Variants in QTMAN observed in about 807,000 individuals in gnomAD.
QTMAN encodes the protein tRNA-queuosine alpha-mannosyltransferase.
the QTMAN span, among the ~76,000 whole-genome samples, chr2:144,066,272 C>G: frequency 3.9e-5 from 6 of 152,010 alleles, no homozygotes; most frequent in African/African-American, 1.4e-4. Context: ...GGACTACATA[C>G]TAGGATATCA....
At chr2:144,197,973 T>C in the QTMAN span, among the ~76,000 whole-genome samples, 1 of 152,198 alleles carries the variant, frequency 6.6e-6, no homozygotes, top group African/African-American at 2.4e-5. Context: ...ATGCCTGTAA[T>C]TCCTGAACTT....
At chr2:144,105,506 G>A in the QTMAN span, among the ~76,000 whole-genome samples, 2 of 152,198 alleles carry the variant, frequency 1.3e-5, no homozygotes, top group Non-Finnish European at 2.9e-5. Flanking sequence ...GGGTATCAGT[G>A]ATTGAAGATC....
At chr2:144,288,849 C>A in the QTMAN span, among the ~76,000 whole-genome samples, 1 of 152,048 alleles carries the variant, frequency 6.6e-6, no homozygotes, top group African/African-American at 2.4e-5. Flanking sequence ...CTACTACACC[C>A]CAAGCCCCTG....
chr2:144,287,859 T>C, the QTMAN span, among the ~76,000 whole-genome samples: 1 of 152,186 alleles, frequency 6.6e-6, no homozygotes, highest in African/African-American at 2.4e-5. Context: ...ATTTTATTTT[T>C]ATTTATTTAT....
chr2:143,956,759 A>C, the QTMAN span, among the ~76,000 whole-genome samples: 1 of 152,092 alleles, frequency 6.6e-6, no homozygotes, highest in East Asian at 1.9e-4. Context: ...CAAGACATTA[A>C]CATCCATCAT....
chr2:144,324,504 G>A, the QTMAN span, among the ~76,000 whole-genome samples: 2 of 152,224 alleles, frequency 1.3e-5, no homozygotes, highest in East Asian at 1.9e-4. Context: ...CTAACTCCCC[G>A]CAAAGGCTTG....
chr2:144,308,242 C>T, the QTMAN span, among the ~76,000 whole-genome samples: 2 of 149,858 alleles, frequency 1.3e-5, no homozygotes, highest in East Asian at 3.9e-4. Flanking sequence ...TCTCAGCTCA[C>T]CACAGCCTCT....
At chr2:143,991,706 C>T in the QTMAN span, among the ~76,000 whole-genome samples, 5 of 141,264 alleles carry the variant, frequency 3.5e-5, no homozygotes, top group Non-Finnish European at 6.2e-5. Flanking sequence ...GCCCGCCGCC[C>T]GGCCAGTCGC....
the QTMAN span, among the ~76,000 whole-genome samples, chr2:144,175,924 G>GA: frequency 1.2e-4 from 19 of 152,106 alleles, no homozygotes; most frequent in Non-Finnish European, 2.8e-4. Flanking sequence ...CCTCAGCTCT[G>GA]AAAGTGCTGA....
the QTMAN span, among the ~76,000 whole-genome samples, chr2:144,059,357 A>G: frequency 1.3e-5 from 2 of 152,174 alleles, no homozygotes; most frequent in Non-Finnish European, 2.9e-5. Flanking sequence ...TTTGAATACA[A>G]CTGTACCCAA....
chr2:144,261,331 G>A, the QTMAN span, among the ~76,000 whole-genome samples: 6 of 152,190 alleles, frequency 3.9e-5, no homozygotes, highest in South Asian at 1.0e-3. Context: ...TCTAAATTTC[G>A]GGGAGGGGGG....
chr2:144,284,569 A>G, the QTMAN span, among the ~76,000 whole-genome samples: 2 of 152,312 alleles, frequency 1.3e-5, no homozygotes, highest in South Asian at 4.1e-4. Flanking sequence ...TTTCTTTTCT[A>G]TAACATGTAT....
chr2:144,196,213 CCACACACA>C, the QTMAN span, among the ~76,000 whole-genome samples: 3,219 of 142,516 alleles, frequency 0.023, 108 homozygotes, highest in African/African-American at 0.077. Context: ...GCACACATAG[CCACACACA>C]CACACACACA....
the QTMAN span, among the ~76,000 whole-genome samples, chr2:144,262,103 C>T: frequency 1.2e-4 from 19 of 152,110 alleles, no homozygotes; most frequent in Admixed American, 7.2e-4. Context: ...ATGGAAATGG[C>T]AACAATGATA....
chr2:144,012,775 G>GA, the QTMAN span, among the ~76,000 whole-genome samples: 171 of 152,236 alleles, frequency 1.1e-3, 2 homozygotes, highest in African/African-American at 4.0e-3. Context: ...GATAGCAGGT[G>GA]AAAATTAATT....
At chr2:144,297,766 T>C in the QTMAN span, among the ~76,000 whole-genome samples, 1 of 149,658 alleles carries the variant, frequency 6.7e-6, no homozygotes, top group African/African-American at 2.5e-5. Flanking sequence ...ATTTTTAGTA[T>C]AGATGGGGTT....
the QTMAN span, among the ~76,000 whole-genome samples, chr2:144,038,407 A>C: frequency 6.6e-6 from 1 of 152,182 alleles, no homozygotes; most frequent in Admixed American, 6.5e-5. Context: ...AATTCTAAAA[A>C]GTTTTGCTTT....
At chr2:143,952,702 T>C in the QTMAN span, 1 of 1,111,736 alleles carries the variant, frequency 9.0e-7, no homozygotes, top group Non-Finnish European at 1.4e-6. Flanking sequence ...AAGTTTATTT[T>C]CAAACTTTCT....
At chr2:144,051,421 A>T in the QTMAN span, among the ~76,000 whole-genome samples, 1 of 152,002 alleles carries the variant, frequency 6.6e-6, no homozygotes, top group African/African-American at 2.4e-5. Context: ...CTTTACTACC[A>T]GCTACTCTGG....
Sources: gnomAD v4.1 joint callset for allele counts (sites outside exome capture counted in the v4.1 genomes callset) on GRCh38, gnomAD v4.1.1 for gene constraint, MANE v1.5 for transcripts, NCBI Gene and HGNC (gene_info 2026-07-23, HGNC 2026-07-21) for gene names.